GNAI1: variants seen among roughly 807,000 people sequenced by gnomAD.
The protein encoded by GNAI1 is G protein subunit alpha i1, also known as guanine nucleotide-binding protein G(i) subunit alpha-1.
Under a neutral mutation model 38.9 loss-of-function variants are expected in GNAI1, and 11 were observed. The ratio of observed to expected loss-of-function variants is 0.28; its 90% CI spans 0.18 to 0.47. The LOEUF (loss-of-function observed/expected upper bound fraction) is 0.47. GNAI1 is among the 20% of genes least tolerant of loss of function. GNAI1 has a pLI of 0.99. For missense variants in GNAI1, 317 were observed against 436.9 expected (o/e 0.73, Z 2.45); for synonymous variants, 166 against 145.1 (o/e 1.14, Z -1.04).
At chr7:80,167,997 C>T (rs1788040023) in intron 1 of GNAI1, among the ~76,000 whole-genome samples, 1 of 152,208 alleles carries the variant, frequency 6.6e-6, no homozygotes, top group Non-Finnish European at 1.5e-5. Context: ...TGATGGGATT[C>T]TTCTGTATAT....
intron 1 of GNAI1, among the ~76,000 whole-genome samples, chr7:80,163,629 A>T (rs1046371028): frequency 6.6e-6 from 1 of 152,168 alleles, no homozygotes. Context: ...GAATTTTGAG[A>T]TATTTAGAGA....
rs1249427086 is a variant in GNAI1, at chr7:80,224,238, T to A, written c.*6745T>A. On this transcript the variant is annotated 3_prime_UTR_variant, in exon 8 of 8. Transcript: ENST00000649796. ...CTAGGTACTTTTCTGGGTACCTTAC[T>A]AATGCTCTCATTTAGTCATCAGAGC... is the stretch of plus-strand genomic sequence containing the variant. Among the ~76,000 whole-genome samples, 1 of 152,246 alleles carries A rather than the reference T, an allele frequency of 6.6e-6. No homozygotes were observed. Among genetic ancestry groups the A allele is most frequent in the Non-Finnish European group, 1.5e-5 (1 of 68,044 alleles).
intron 1 of GNAI1, among the ~76,000 whole-genome samples, chr7:80,145,646 T>C (rs904199194): frequency 6.6e-6 from 1 of 152,224 alleles, no homozygotes; most frequent in African/African-American, 2.4e-5. Flanking sequence ...TTCTGGCTTT[T>C]TCAAAGCCAT....
chr7:80,181,821 C>T (rs553191568), intron 1 of GNAI1, among the ~76,000 whole-genome samples: 16 of 152,138 alleles, frequency 1.1e-4, no homozygotes, highest in East Asian at 7.7e-4. Context: ...TATATGGGTA[C>T]GTAAATAATT....
At chr7:80,156,270 TAAAAG>T (rs1461190929) in intron 1 of GNAI1, among the ~76,000 whole-genome samples, 3 of 152,116 alleles carry the variant, frequency 2.0e-5, no homozygotes, top group Non-Finnish European at 4.4e-5. Flanking sequence ...TTTATCCTGT[TAAAAG>T]AAATGAAAGA....
At chr7:80,150,192 A>G (rs147012418) in intron 1 of GNAI1, among the ~76,000 whole-genome samples, 245 of 152,322 alleles carry the variant, frequency 1.6e-3, no homozygotes, top group African/African-American at 5.5e-3. Flanking sequence ...TATAGATTCC[A>G]GAGAAAGTGG....
chr7:80,135,945 C>T (rs769829886), intron 1 of GNAI1: 110 of 985,264 alleles, frequency 1.1e-4, no homozygotes, highest in Non-Finnish European at 1.3e-4. Context: ...GGTTGGGAAG[C>T]TTTGCTTTAG....
In GNAI1 at chr7:80,216,111, T is replaced by C. The variant is rs17153598; in HGVS notation, c.875-1192T>C. Reference sequence around the variant, plus strand: ...ATTTGAATGTTTTTCAGTTTTTTTATTGAAGCATTACATAGAGCATTACAT... The same window carrying C: ...ATTTGAATGTTTTTCAGTTTTTTTACTGAAGCATTACATAGAGCATTACAT... On this transcript the variant is annotated intron_variant, in intron 7 of 7. Coordinates refer to ENST00000649796, the MANE Select transcript of GNAI1 (RefSeq NM_002069.6). 2.0e-3 allele frequency among the ~76,000 whole-genome samples: 307 copies of C among 152,316 alleles called. 10 individuals carry two copies. In the East Asian group the frequency reaches 0.048, roughly 24 times the overall value.
At chr7:80,147,128 G>C (rs532117265) in intron 1 of GNAI1, among the ~76,000 whole-genome samples, 26 of 152,032 alleles carry the variant, frequency 1.7e-4, no homozygotes, top group Non-Finnish European at 3.2e-4. Flanking sequence ...TTCAGGTCAG[G>C]CTGAAAGAGC....
Position 80,225,865 on chromosome 7 carries a change from C to T in GNAI1, c.*8372C>T, listed in dbSNP as rs1789149943. On this transcript the variant is annotated 3_prime_UTR_variant, in exon 8 of 8. Coordinates refer to ENST00000649796, the MANE Select transcript of GNAI1 (RefSeq NM_002069.6). ...GATTTATGTGCAGATTTTAGCTACC[C>T]TTGTCCTTGGAATGTGTATGCACAC... Among the ~76,000 whole-genome samples, 1 of 152,092 alleles carries T rather than the reference C, an allele frequency of 6.6e-6. No homozygotes were observed. Among genetic ancestry groups the T allele is most frequent in the Non-Finnish European group, 1.5e-5 (1 of 68,026 alleles).
chr7:80,169,102 A>G (rs1407163482), intron 1 of GNAI1, among the ~76,000 whole-genome samples: 2 of 152,180 alleles, frequency 1.3e-5, no homozygotes, highest in Non-Finnish European at 2.9e-5. Flanking sequence ...GTCATAAACT[A>G]TGATTTTCCC....
chr7:80,225,954 C>T lies in GNAI1; in HGVS notation c.*8461C>T, dbSNP rs918471980. Among the ~76,000 whole-genome samples, 1 of 152,034 alleles carries T rather than the reference C, an allele frequency of 6.6e-6. No individual in the cohort carries two copies. Among genetic ancestry groups the T allele is most frequent in the East Asian group, 1.9e-4 (1 of 5,192 alleles). On this transcript the variant is annotated 3_prime_UTR_variant, in exon 8 of 8. Transcript: ENST00000649796. The stretch of plus-strand genomic sequence containing the variant: ...ACAGTGTGCATCAAATAAAAGTTTA[C>T]TATATTGGAATATGGGAATAAATTC...
In GNAI1 at chr7:80,152,630, G is replaced by A. The variant is rs528964005; in HGVS notation, c.118+17352G>A. Among the ~76,000 whole-genome samples the A allele has an allele frequency of 9.7e-4, 139 of 142,852 alleles. 1 individual carries two copies. The highest frequency in any genetic ancestry group is 3.6e-3 in the African/African-American group (135 of 37,618). 93.7% of individuals were successfully genotyped at this position (142,852 alleles called of 152,430 possible). On this transcript the variant is annotated intron_variant, in intron 1 of 7. Transcript: ENST00000649796. ...CGCTGGAGTGCAGTGGCGCATTCTC[G>A]GCTCACTTCAACCTCCAACTTCCGG...
intron 5 of GNAI1, among the ~76,000 whole-genome samples, 168 bp downstream of exon 5, chr7:80,204,000 A>T (rs1428122122): frequency 6.6e-6 from 1 of 152,156 alleles, no homozygotes; most frequent in African/African-American, 2.4e-5. Context: ...AAGAAGTCAA[A>T]AAAAGCATTC....
intron 1 of GNAI1, 88 bp from the exon 2 acceptor site, chr7:80,188,863 T>A (rs1788432129): frequency 2.5e-6 from 2 of 800,134 alleles, no homozygotes. Context: ...TGGGTGTGTG[T>A]GTGTGTGTGT....
chr7:80,138,139 G>GT (rs763300912), intron 1 of GNAI1, among the ~76,000 whole-genome samples: 20 of 152,080 alleles, frequency 1.3e-4, no homozygotes, highest in East Asian at 9.7e-4. Context: ...ATCACATGAT[G>GT]TTTTTTAAAT....
At chr7:80,152,656 G>A (rs894362704) in intron 1 of GNAI1, among the ~76,000 whole-genome samples, 1 of 150,564 alleles carries the variant, frequency 6.6e-6, no homozygotes, top group Admixed American at 6.7e-5. Flanking sequence ...CAACTTCCGG[G>A]TTCATGCCAT....
In GNAI1 at chr7:80,189,239, A is replaced by C; in HGVS notation, c.303+8A>C. 1.9e-6 allele frequency: 3 copies of C among 1,610,988 alleles called. No homozygotes were observed. The highest frequency in any genetic ancestry group is 2.5e-6 in the Non-Finnish European group (3 of 1,178,588). ...GGTGACTCAGCCCGGGCGGTAAGTTATTAAATTTGTTGGAGCTGACCTGAT... is the reference window on the plus strand; with the variant it reads ...GGTGACTCAGCCCGGGCGGTAAGTTCTTAAATTTGTTGGAGCTGACCTGAT... On this transcript the variant is annotated splice_region_variant and intron_variant, in intron 3 of 7. Coordinates refer to ENST00000649796, the MANE Select transcript of GNAI1 (RefSeq NM_002069.6).
At chr7:80,159,156 T>C (rs1025009103) in intron 1 of GNAI1, among the ~76,000 whole-genome samples, 3 of 152,216 alleles carry the variant, frequency 2.0e-5, no homozygotes, top group Admixed American at 1.3e-4. Context: ...GCTCAAGTTC[T>C]GGTGGCTTGT....
Sources: allele counts gnomAD v4.1 joint callset (sites outside exome capture counted in the v4.1 genomes callset), GRCh38; gene constraint gnomAD v4.1.1; transcripts MANE v1.5; gene names NCBI Gene and HGNC (gene_info 2026-07-23, HGNC 2026-07-21).